Variants in TRIM67 observed in about 807,000 individuals in gnomAD.
The protein encoded by TRIM67 is tripartite motif containing 67.
TRIM67 carries 39 observed loss-of-function variants against 71.0 expected under a neutral mutation model. The observed-to-expected ratio is 0.55, with a 90% CI of 0.43 to 0.72. The LOEUF is 0.72. Among genes scored for constraint, TRIM67 ranks in the 30% least tolerant of loss-of-function variants. The pLI is 0.00. For missense variants in TRIM67, 973 were observed against 1,079.2 expected (o/e 0.90, Z 1.38); for synonymous variants, 481 against 473.9 (o/e 1.01, Z -0.19).
chr1:231,189,562 G>T (rs1458746621), intron 1 of TRIM67, among the ~76,000 whole-genome samples: 1 of 152,166 alleles, frequency 6.6e-6, no homozygotes, highest in Non-Finnish European at 1.5e-5. Flanking sequence ...AGACAGGGGG[G>T]TTGATAAACA....
chr1:231,179,167 T>A (rs12046986), intron 1 of TRIM67, among the ~76,000 whole-genome samples: 15,658 of 152,232 alleles, frequency 0.1, 1,047 homozygotes, highest in East Asian at 0.29. Flanking sequence ...AGGGCGGTGT[T>A]CCCTCTGAAG....
chr1:231,217,891 C>T lies in TRIM67; in HGVS notation c.*2451C>T, dbSNP rs1385473827. The T allele has an allele frequency of 1.6e-6, 2 of 1,289,276 alleles. No homozygotes were observed. Among genetic ancestry groups the T allele is most frequent in the Non-Finnish European group, 2.0e-6 (2 of 988,614 alleles). The allele number at this position is 1,289,276 out of a possible 1,614,324, so 79.9% of individuals were successfully genotyped here. A position where few individuals can be genotyped will look rare whatever the true frequency, so the allele number is the denominator to read the frequency against. Reference sequence around the variant, plus strand: ...GGTGGCCTCTTTCAGAAAAAAGTTCCCTGAAGTCCAGAGAGGTGCAGCCAG... The same window carrying T: ...GGTGGCCTCTTTCAGAAAAAAGTTCTCTGAAGTCCAGAGAGGTGCAGCCAG... On this transcript the variant is annotated 3_prime_UTR_variant, in exon 10 of 10. Coordinates refer to ENST00000366653, the MANE Select transcript of TRIM67 (RefSeq NM_001004342.5).
At chr1:231,202,253 A>AGTCATGG (rs1683571664) in intron 5 of TRIM67, among the ~76,000 whole-genome samples, 2 of 11,652 alleles carry the variant, frequency 1.7e-4, no homozygotes, top group African/African-American at 2.6e-4. Context: ...GGTAGTGGAG[A>AGTCATGG]AGGAGGAGGT....
intron 8 of TRIM67, among the ~76,000 whole-genome samples, chr1:231,212,998 T>A (rs148889258): frequency 6.6e-6 from 1 of 152,114 alleles, no homozygotes; most frequent in Non-Finnish European, 1.5e-5. Context: ...CTGCCTGCCA[T>A]ACGCTGCTTT....
At chr1:231,208,007 TA>T (rs1248262552) in intron 7 of TRIM67, among the ~76,000 whole-genome samples, 3 of 146,730 alleles carry the variant, frequency 2.0e-5, no homozygotes, top group African/African-American at 7.7e-5. Flanking sequence ...TTTCCTCCTG[TA>T]CTTTTTTTTT....
chr1:231,199,144 CTAA>C lies in TRIM67; in HGVS notation c.1239_1241del (p.Lys414del). The C allele has an allele frequency of 6.2e-7, 1 of 1,613,952 alleles. No individual in the cohort carries two copies. The highest frequency in any genetic ancestry group is 8.5e-7 in the Non-Finnish European group (1 of 1,179,890). On this transcript the variant is annotated inframe_deletion, in exon 3 of 10. Coordinates refer to ENST00000366653, the MANE Select transcript of TRIM67 (RefSeq NM_001004342.5). ...AAAGCCAAGCTGCTCACCAAGGTGA[CTAA>C]AGAGAGGGAACACAAGTTGAAGGTA...
chr1:231,196,575 CA>C (rs34957086), intron 1 of TRIM67, among the ~76,000 whole-genome samples: 15,938 of 125,984 alleles, frequency 0.13, 880 homozygotes, highest in South Asian at 0.2. Context: ...GACCCTGTCT[CA>C]AAAAAAAAAA....
chr1:231,198,379 A>C (rs189835211), intron 2 of TRIM67, among the ~76,000 whole-genome samples: 1 of 152,094 alleles, frequency 6.6e-6, no homozygotes, highest in East Asian at 1.9e-4. Context: ...CTGGAGGAAT[A>C]AGAGGGACTG....
Position 231,219,956 on chromosome 1 carries a change from G to A in TRIM67, c.*4516G>A, listed in dbSNP as rs1046804675. On this transcript the variant is annotated 3_prime_UTR_variant, in exon 10 of 10. Coordinates refer to ENST00000366653, the MANE Select transcript of TRIM67 (RefSeq NM_001004342.5). ...CTCGGTTACTTCCCTCTTTTAACCT[G>A]GCTTTAATAGTGATTCATGGTATGA... 24 of 1,289,642 alleles carry A rather than the reference G, an allele frequency of 1.9e-5. No individual in the cohort carries two copies. Among genetic ancestry groups the A allele is most frequent in the Non-Finnish European group, 2.2e-5 (22 of 988,834 alleles). 79.9% of individuals were successfully genotyped at this position (1,289,642 alleles called of 1,614,324 possible). A position where few individuals can be genotyped will look rare whatever the true frequency, so the allele number is the denominator to read the frequency against.
At chr1:231,206,871 A>T in intron 7 of TRIM67, 81 bp downstream of exon 7, 15 of 1,396,236 alleles carry the variant, frequency 1.1e-5, no homozygotes, top group East Asian at 2.6e-5. Flanking sequence ...TGTGGCAGCT[A>T]TGATGATGGG....
chr1:231,197,577 A>C, intron 2 of TRIM67, 111 bp downstream of exon 2: 1 of 956,296 alleles, frequency 1.0e-6, no homozygotes. Flanking sequence ...TGTAATCCCA[A>C]CACTTTGGGA....
At chr1:231,177,231 T>C (rs921259924) in intron 1 of TRIM67, among the ~76,000 whole-genome samples, 1 of 152,052 alleles carries the variant, frequency 6.6e-6, no homozygotes, top group African/African-American at 2.4e-5. Context: ...GGGAGTTGAG[T>C]TGGGTTTCAA....
At chr1:231,192,524 C>T (rs1683258265) in intron 1 of TRIM67, among the ~76,000 whole-genome samples, 1 of 152,208 alleles carries the variant, frequency 6.6e-6, no homozygotes, top group African/African-American at 2.4e-5. Flanking sequence ...ACTCCAAAAA[C>T]CTTTGCTCTT....
In TRIM67 at chr1:231,185,031, C is replaced by T. The variant is rs755674501; in HGVS notation, c.1045-12340C>T. On this transcript the variant is annotated intron_variant, in intron 1 of 9. Coordinates refer to ENST00000366653, the MANE Select transcript of TRIM67 (RefSeq NM_001004342.5). ...GGGGAGGGTCAGCTTATTCTGCTTG[C>T]AGGGCCTAGGCTAGTGTGGAGCTGA... 5.9e-6 allele frequency: 9 copies of T among 1,533,024 alleles called. No individual in the cohort carries two copies. The South Asian group carries it at 9.5e-5, about 16-fold the overall frequency. 95.0% of individuals were successfully genotyped at this position (1,533,024 alleles called of 1,614,324 possible).
intron 1 of TRIM67, chr1:231,186,096 G>T: frequency 6.5e-7 from 1 of 1,533,156 alleles, no homozygotes; most frequent in Non-Finnish European, 8.7e-7. Context: ...ATAGGCGGCT[G>T]GCAGTCGCTT....
chr1:231,191,192 T>C (rs912984493), intron 1 of TRIM67, among the ~76,000 whole-genome samples: 12 of 152,168 alleles, frequency 7.9e-5, no homozygotes, highest in African/African-American at 2.7e-4. Flanking sequence ...GCCTCCTGAG[T>C]AGCTGGGACT....
intron 1 of TRIM67, among the ~76,000 whole-genome samples, chr1:231,195,656 C>A (rs779621682): frequency 6.6e-6 from 1 of 152,228 alleles, no homozygotes; most frequent in Admixed American, 6.5e-5. Context: ...GGGGACCGGG[C>A]CCCCTTCCTT....
chr1:231,181,200 G>A lies in TRIM67; in HGVS notation c.1045-16171G>A, dbSNP rs551273330. Among the ~76,000 whole-genome samples, 16 of 152,278 alleles carry A rather than the reference G, an allele frequency of 1.1e-4. No homozygotes were observed. In the East Asian group the frequency reaches 1.9e-3, roughly 18 times the overall value. On this transcript the variant is annotated intron_variant, in intron 1 of 9. Coordinates refer to ENST00000366653, the MANE Select transcript of TRIM67 (RefSeq NM_001004342.5). ...AGGATGGTCTCGATGTCTTGACATCGTGATCCACCCTCTTCGGCCTCCCAA... is the reference window on the plus strand; with the variant it reads ...AGGATGGTCTCGATGTCTTGACATCATGATCCACCCTCTTCGGCCTCCCAA...
In TRIM67 at chr1:231,209,632, G is replaced by T. The variant is rs2102761121; in HGVS notation, c.2123+382G>T. On this transcript the variant is annotated intron_variant, in intron 8 of 9. Transcript: ENST00000366653. This position sits in a 1 kb window ranked among gnomAD's most constrained non-coding sequence, Gnocchi z 4.1. ...GTTAATGGGCACCACTGGGGCTGGT[G>T]TCCTCACAGCTGTGACCAGGTCATT... Among the ~76,000 whole-genome samples, 1 of 152,354 alleles carries T rather than the reference G, an allele frequency of 6.6e-6. No homozygotes were observed. The highest frequency in any genetic ancestry group is 1.9e-4 in the East Asian group (1 of 5,174).
Sources: gnomAD v4.1 joint callset for allele counts (sites outside exome capture counted in the v4.1 genomes callset) on GRCh38, gnomAD v4.1.1 for gene constraint, Gnocchi (gnomAD v3.1) non-coding constraint, MANE v1.5 for transcripts, NCBI Gene and HGNC (gene_info 2026-07-23, HGNC 2026-07-21) for gene names.